Variants in PER3 observed in about 807,000 individuals in gnomAD.
PER3 encodes period circadian regulator 3, also known as period circadian protein homolog 3.
Under a neutral mutation model 127.2 loss-of-function variants are expected in PER3, and 107 were observed. The observed-to-expected ratio is 0.84, with a 90% CI of 0.72 to 0.99. PER3 has a LOEUF of 0.99. Among genes scored for constraint, PER3 ranks in the 50% least tolerant of loss-of-function variants. The probability of loss-of-function intolerance (pLI) is 0.00; values close to 1 mark genes in which losing one functional copy is unlikely to be tolerated. For missense variants in PER3, 1,560 were observed against 1,525.8 expected (o/e 1.02, Z -0.37); for synonymous variants, 618 against 585.8 (o/e 1.05, Z -0.79).
chr1:7,833,854 G>A (rs942835466), intron 19 of PER3, among the ~76,000 whole-genome samples: 6 of 151,738 alleles, frequency 4.0e-5, no homozygotes, highest in African/African-American at 1.5e-4. Flanking sequence ...GGTTAATTGT[G>A]TATTGGCTTC....
rs752868336 is a variant in PER3 at position 7,809,916 on chromosome 1, C to T, written c.1266C>T (p.Ser422=). 2.5e-5 allele frequency: 40 copies of T among 1,613,808 alleles called. No individual in the cohort carries two copies. In the Admixed American group the frequency reaches 4.3e-4, roughly 17 times the overall value. The change falls in exon 12 of 22, where the codon AGC becomes AGT. Residue 422 remains serine, a synonymous_variant. Transcript: ENST00000377532. ...AGCCAGTTCACGTGAGCGTGTCCAG[C>T]GGCTACGGGAGCCTGGGGAGCAGCG... The part of the protein sequence containing the change: ...LLQPVHVSVS[S]GYGSLGSSGS...
Position 7,784,948 on chromosome 1 carries a change from G to A in PER3, c.71G>A (p.Gly24Glu). 3 of 1,543,916 alleles carry A rather than the reference G, an allele frequency of 1.9e-6. No homozygotes were observed. Among genetic ancestry groups the A allele is most frequent in the Non-Finnish European group, 2.6e-6 (3 of 1,156,324 alleles). Reference protein sequence around the residue: ...AKDEALGEESGERWSPEFHLQ... With the variant: ...AKDEALGEESEERWSPEFHLQ... ...GACGAGGCCCTGGGCGAAGAATCGG[G>A]GGAGCGGTGGAGCCCCGAGTTCCAT... Residue 24 changes from glycine (G) to glutamate (E), a missense_variant, in exon 2 of 22, where the codon GGG (glycine) becomes GAG (glutamate). Coordinates refer to ENST00000377532, the MANE Select transcript of PER3 (RefSeq NM_001377275.1).
rs1360444090 is a variant in PER3, at chr1:7,816,439, GAC to G, written c.1523-2844_1523-2843del. On this transcript the variant is annotated intron_variant, in intron 13 of 21. Coordinates refer to ENST00000377532, the MANE Select transcript of PER3 (RefSeq NM_001377275.1). The stretch of plus-strand genomic sequence containing the variant: ...AAGGCACTGATAAGACAAATGAAAA[GAC>G]AAAATAGTTGCAAATGATATATACA... 3.9e-5 allele frequency among the ~76,000 whole-genome samples: 6 copies of G among 152,174 alleles called. No individual in the cohort carries two copies. The East Asian group carries it at 1.2e-3, about 29-fold the overall frequency.
chr1:7,835,780 T>C lies in PER3; in HGVS notation c.3233T>C (p.Ile1078Thr). ...SAASGSSDSS[I>T]YLTSSVYSSK... Reference sequence around the variant, plus strand: ...TTGACAGGAAGCAGCGACAGCAGTATATACCTTACTAGTAGTGTTTATTCT... The same window carrying C: ...TTGACAGGAAGCAGCGACAGCAGTACATACCTTACTAGTAGTGTTTATTCT... Residue 1078 changes from isoleucine to threonine, a missense_variant, in exon 20 of 22, where the codon ATA becomes ACA. Physicochemically the swap from Ile to Thr is moderately conservative, Grantham distance 89 (BLOSUM62 -1). Transcript: ENST00000377532. 1 of 1,611,312 alleles carries C rather than the reference T, an allele frequency of 6.2e-7. No individual in the cohort carries two copies. The highest frequency in any genetic ancestry group is 8.5e-7 in the Non-Finnish European group (1 of 1,177,786).
At chr1:7,792,961 C>G (rs905713006) in intron 5 of PER3, among the ~76,000 whole-genome samples, 1 of 152,168 alleles carries the variant, frequency 6.6e-6, no homozygotes, top group Non-Finnish European at 1.5e-5. Flanking sequence ...AGCAAACTGA[C>G]CTCACAGTAG....
intron 18 of PER3, among the ~76,000 whole-genome samples, chr1:7,828,519 G>A (rs2097313606): frequency 1.3e-5 from 2 of 152,082 alleles, no homozygotes; most frequent in African/African-American, 4.8e-5. Flanking sequence ...TTCTCTTTAA[G>A]GTACAATACC....
rs2097402446 is a variant in PER3 at position 7,844,150 on chromosome 1, C to T, written c.*1395C>T. 2 of 236,798 alleles carry T rather than the reference C, an allele frequency of 8.4e-6. No homozygotes were observed. Among genetic ancestry groups the T allele is most frequent in the Non-Finnish European group, 7.9e-6 (1 of 127,278 alleles). The allele number at this position is 236,798 out of a possible 1,614,324, so 14.7% of individuals were successfully genotyped here. On this transcript the variant is annotated 3_prime_UTR_variant, in exon 22 of 22. Coordinates refer to ENST00000377532, the MANE Select transcript of PER3 (RefSeq NM_001377275.1). ...TCCTGATAATGATTAGGAAAATCGA[C>T]CTTTTCATCCATGATGACCATCCTC...
chr1:7,827,124 C>G lies in PER3; in HGVS notation c.2195C>G (p.Ser732Cys), dbSNP rs1206534596. ...KAKYSYFQGD[S>C]TSKQTRSAGC... The stretch of plus-strand genomic sequence containing the variant: ...TCTACCTTTATCCTTCCAGGAGATT[C>G]TACTTCCAAGCAGACGCGGTCGGCC... Residue 732 changes from serine to cysteine, a missense_variant, in exon 18 of 22, where the codon TCT (serine) becomes TGT (cysteine). This residue lies in a region of PER3 where 1,332 missense variants were observed against 1,223.6 expected (regional missense o/e 1.09). Transcript: ENST00000377532. 1.9e-6 allele frequency: 3 copies of G among 1,589,182 alleles called. No homozygotes were observed. Among genetic ancestry groups the G allele is most frequent in the African/African-American group, 2.7e-5 (2 of 74,158 alleles).
chr1:7,803,468 A>G (rs1017905468), intron 9 of PER3, among the ~76,000 whole-genome samples: 2 of 151,550 alleles, frequency 1.3e-5, no homozygotes, highest in African/African-American at 4.9e-5. Context: ...CACGCCTGTA[A>G]TCTCAGCTAC....
At chr1:7,791,310 A>G (rs1166908754) in intron 5 of PER3, among the ~76,000 whole-genome samples, 2 of 152,212 alleles carry the variant, frequency 1.3e-5, no homozygotes, top group African/African-American at 4.8e-5. Flanking sequence ...GACCAACACC[A>G]TATGGAAGCT....
chr1:7,808,272 A>C (rs1265997142), intron 10 of PER3, among the ~76,000 whole-genome samples: 1 of 150,286 alleles, frequency 6.7e-6, no homozygotes, highest in Non-Finnish European at 1.5e-5. Context: ...AGTATAGTAC[A>C]GTGCCTGTCA....
intron 10 of PER3, 37 bp downstream of exon 10, chr1:7,803,885 CTT>C (rs1558412518): frequency 3.9e-6 from 6 of 1,542,956 alleles, no homozygotes; most frequent in Non-Finnish European, 5.4e-6. Flanking sequence ...TAAAACATCT[CTT>C]GTATCAAATA....
chr1:7,827,250 A>G lies in PER3; in HGVS notation c.2321A>G (p.Asn774Ser), dbSNP rs757315603. The G allele has an allele frequency of 1.2e-6, 2 of 1,613,924 alleles. No homozygotes were observed. Among genetic ancestry groups the G allele is most frequent in the East Asian group, 4.5e-5 (2 of 44,844 alleles). ...GSGPRRGAHQ[N>S]AQPCCPSAAS... Reference sequence around the variant, plus strand: ...GGTCCCCGCAGGGGAGCGCATCAGAACGCACAGCCCTGCTGCCCCTCCGCG... The same window carrying G: ...GGTCCCCGCAGGGGAGCGCATCAGAGCGCACAGCCCTGCTGCCCCTCCGCG... The change falls in exon 18 of 22, where the codon AAC becomes AGC. Residue 774 changes from asparagine to serine, a missense_variant. Asn to Ser is a conservative substitution (Grantham distance 46). Transcript: ENST00000377532.
intron 7 of PER3, 26 bp from the exon 8 acceptor site, chr1:7,801,087 A>T (rs943903880): frequency 3.6e-6 from 5 of 1,382,276 alleles, no homozygotes; most frequent in Non-Finnish European, 5.1e-6. Flanking sequence ...TTGCCTTTAA[A>T]TGGGTCTTTG....
intron 8 of PER3, among the ~76,000 whole-genome samples, 193 bp from the exon 9 acceptor site, chr1:7,802,854 C>T (rs1335051765): frequency 6.6e-6 from 1 of 152,210 alleles, no homozygotes; most frequent in African/African-American, 2.4e-5. Flanking sequence ...TGTCAGATGA[C>T]CAACATGTGT....
intron 5 of PER3, among the ~76,000 whole-genome samples, chr1:7,790,000 C>A (rs1233730614): frequency 6.6e-6 from 1 of 152,178 alleles, no homozygotes; most frequent in Non-Finnish European, 1.5e-5. Context: ...ATTTAATAAT[C>A]ACGTGGGTCA....
intron 20 of PER3, 93 bp from the exon 21 acceptor site, chr1:7,836,906 T>C (rs1011080693): frequency 1.1e-6 from 1 of 932,946 alleles, no homozygotes; most frequent in African/African-American, 1.6e-5. Context: ...GTAAGGTGTA[T>C]TACCAACCAA....
Position 7,784,804 on chromosome 1 carries a change from A to G in PER3, c.-74A>G. ...CCGGAGTGAGAAACCGGTGTCTGTCACTGACTGCAAAGTGAGCGAGAAGCA... is the reference window on the plus strand; with the variant it reads ...CCGGAGTGAGAAACCGGTGTCTGTCGCTGACTGCAAAGTGAGCGAGAAGCA... On this transcript the variant is annotated 5_prime_UTR_variant, in exon 2 of 22. Coordinates refer to ENST00000377532, the MANE Select transcript of PER3 (RefSeq NM_001377275.1). 7.3e-7 allele frequency: 1 copy of G among 1,369,638 alleles called. No individual in the cohort carries two copies. Among genetic ancestry groups the G allele is most frequent in the Non-Finnish European group, 9.4e-7 (1 of 1,066,556 alleles). The allele number at this position is 1,369,638 out of a possible 1,614,324, so 84.8% of individuals were successfully genotyped here. A position where few individuals can be genotyped will look rare whatever the true frequency, so the allele number is the denominator to read the frequency against.
intron 8 of PER3, 55 bp downstream of exon 8, chr1:7,801,246 TGAA>T (rs780007708): frequency 1.2e-4 from 107 of 922,448 alleles, no homozygotes; most frequent in South Asian, 2.9e-4. Context: ...AATATAAATG[TGAA>T]GAAGATTACA....
Sources: gnomAD v4.1 joint callset for allele counts (sites outside exome capture counted in the v4.1 genomes callset) on GRCh38, gnomAD v4.1.1 for gene constraint, gnomAD v4.1.1 regional missense constraint, MANE v1.5 for transcripts, NCBI Gene and HGNC (gene_info 2026-07-23, HGNC 2026-07-21) for gene names.